POLR3B: variants seen among roughly 807,000 people sequenced by gnomAD.
POLR3B encodes the protein DNA-directed RNA polymerase III subunit RPC2.
A neutral mutation model predicts 147.4 loss-of-function variants in POLR3B; 96 were observed. The observed-to-expected ratio is 0.65, with a 90% CI of 0.55 to 0.77. The LOEUF (loss-of-function observed/expected upper bound fraction) is 0.77. Among genes scored for constraint, POLR3B ranks in the 30% least tolerant of loss-of-function variants. The pLI is 0.00. For synonymous variants in POLR3B, 461 were observed against 485.9 expected, an observed-to-expected ratio of 0.95 and a Z score of 0.67; for missense variants, 1,036 against 1,413.5, an observed-to-expected ratio of 0.73 and a Z score of 4.28.
At chr12:106,393,196 A>T in intron 10 of POLR3B, 43 bp downstream of exon 10, 1 of 1,612,048 alleles carries the variant, frequency 6.2e-7, no homozygotes, top group Non-Finnish European at 8.5e-7. Context: ...ATGGAATTGG[A>T]GACTTAATGC....
At chr12:106,392,741 C>T (rs146121781) in intron 9 of POLR3B, among the ~76,000 whole-genome samples, 1 of 152,260 alleles carries the variant, frequency 6.6e-6, no homozygotes, top group East Asian at 1.9e-4. Context: ...CCATACCTCC[C>T]AGCCTCCTTT....
intron 26 of POLR3B, among the ~76,000 whole-genome samples, chr12:106,502,775 A>G (rs1276881731): frequency 6.6e-6 from 1 of 152,212 alleles, no homozygotes; most frequent in East Asian, 1.9e-4. Context: ...CACCTCAGCA[A>G]TGGTACCGTA....
chr12:106,371,878 A>G (rs1258120841), intron 6 of POLR3B, among the ~76,000 whole-genome samples: 1 of 151,812 alleles, frequency 6.6e-6, no homozygotes, highest in Non-Finnish European at 1.5e-5. Flanking sequence ...AGCATGGCAC[A>G]TGTATACATA....
intron 11 of POLR3B, among the ~76,000 whole-genome samples, chr12:106,407,892 GT>G (rs2136934061): frequency 6.6e-6 from 1 of 152,222 alleles, no homozygotes; most frequent in Non-Finnish European, 1.5e-5. Context: ...CATTTTAAAA[GT>G]TTGGTTATAC....
chr12:106,381,824 C>T (rs970626173), intron 9 of POLR3B: 1 of 152,340 alleles, frequency 6.6e-6, no homozygotes. Context: ...GCCCCAAGGG[C>T]TGGTGGTTGC....
At chr12:106,470,121 G>A (rs564747219) in intron 23 of POLR3B, among the ~76,000 whole-genome samples, 15 of 152,164 alleles carry the variant, frequency 9.9e-5, no homozygotes, top group African/African-American at 9.6e-5. Context: ...TCACGTAGTC[G>A]CATATTTCTT....
intron 2 of POLR3B, among the ~76,000 whole-genome samples, chr12:106,364,616 C>T (rs531343919): frequency 1.3e-5 from 2 of 152,298 alleles, no homozygotes; most frequent in South Asian, 4.2e-4. Context: ...GTCCAAGAGA[C>T]ATGAAAACAT....
At chr12:106,388,891 T>G (rs1235238554) in intron 9 of POLR3B, among the ~76,000 whole-genome samples, 1 of 152,244 alleles carries the variant, frequency 6.6e-6, no homozygotes, top group African/African-American at 2.4e-5. Context: ...TGTAGATATC[T>G]AAAAAGACCT....
chr12:106,384,339 T>C (rs2036805498), intron 9 of POLR3B, among the ~76,000 whole-genome samples: 1 of 152,188 alleles, frequency 6.6e-6, no homozygotes, highest in Non-Finnish European at 1.5e-5. Context: ...AATAAAAAAA[T>C]AGTTGGCATT....
chr12:106,403,775 A>G (rs2037107077), intron 10 of POLR3B, among the ~76,000 whole-genome samples: 1 of 124,258 alleles, frequency 8.0e-6, no homozygotes, highest in Non-Finnish European at 1.6e-5. Flanking sequence ...ACACATGGAC[A>G]CGGGGTGGGG....
chr12:106,382,355 A>G (rs1400181548), intron 9 of POLR3B, among the ~76,000 whole-genome samples: 2 of 152,140 alleles, frequency 1.3e-5, no homozygotes, highest in African/African-American at 2.4e-5. Context: ...CTGCCTAACT[A>G]TTAGGGTCTC....
At chr12:106,458,328 T>C (rs1413664962) in intron 21 of POLR3B, among the ~76,000 whole-genome samples, 2 of 152,104 alleles carry the variant, frequency 1.3e-5, no homozygotes, top group Admixed American at 6.6e-5. Flanking sequence ...CTTACCATCT[T>C]GTCCAGGCTT....
chr12:106,432,545 T>C (rs2037524939), intron 15 of POLR3B, 65 bp downstream of exon 15: 33 of 1,298,076 alleles, frequency 2.5e-5, no homozygotes, highest in Non-Finnish European at 3.4e-5. Context: ...GAATCCATTA[T>C]TATCCTGGTA....
At chr12:106,414,221 T>TAA (rs5800711) in intron 12 of POLR3B, among the ~76,000 whole-genome samples, 66,567 of 120,752 alleles carry the variant, frequency 0.55, 19,433 homozygotes, top group East Asian at 0.93. Flanking sequence ...GATACAAAAG[T>TAA]AAAAAAAAAA....
chr12:106,496,389 G>C, intron 24 of POLR3B: 1 of 630,954 alleles, frequency 1.6e-6, no homozygotes, highest in South Asian at 1.9e-5. Flanking sequence ...GGAGTCTTCT[G>C]AGTGATGAAT....
intron 19 of POLR3B, among the ~76,000 whole-genome samples, chr12:106,447,476 T>TG (rs2037738828): frequency 1.3e-5 from 2 of 152,176 alleles, no homozygotes; most frequent in East Asian, 3.9e-4. Flanking sequence ...TGAGAAGCAC[T>TG]TCTCCATGGG....
intron 1 of POLR3B, among the ~76,000 whole-genome samples, chr12:106,359,044 C>T (rs1183611570): frequency 6.6e-6 from 1 of 152,092 alleles, no homozygotes; most frequent in Non-Finnish European, 1.5e-5. Context: ...ATGGCAAAAC[C>T]CTGTTTCTAC....
At chr12:106,455,120 C>G (rs964880154) in intron 20 of POLR3B, among the ~76,000 whole-genome samples, 4 of 152,162 alleles carry the variant, frequency 2.6e-5, no homozygotes, top group African/African-American at 7.2e-5. Flanking sequence ...AAGGCTGTTT[C>G]TTATTTGTGT....
intron 16 of POLR3B, among the ~76,000 whole-genome samples, chr12:106,435,129 A>ATT (rs1475094620): frequency 2.8e-5 from 4 of 142,046 alleles, no homozygotes; most frequent in East Asian, 3.2e-4. Flanking sequence ...CTTCCATTAA[A>ATT]TTATTTTTTT....
Sources: gnomAD v4.1 joint callset for allele counts (sites outside exome capture counted in the v4.1 genomes callset) on GRCh38, gnomAD v4.1.1 for gene constraint, MANE v1.5 for transcripts, NCBI Gene and HGNC (gene_info 2026-07-23, HGNC 2026-07-21) for gene names.